ZNF740: variants seen among roughly 807,000 people sequenced by gnomAD.
ZNF740 encodes the protein zinc finger protein 740.
In ZNF740, 14 loss-of-function variants were observed where a neutral mutation model predicts 24.8. The ratio of observed to expected loss-of-function variants is 0.56; its 90% confidence interval spans 0.37 to 0.88. ZNF740 has a LOEUF of 0.88. Ranked by LOEUF, ZNF740 falls within the 40% of genes least tolerant of loss-of-function variation. ZNF740 has a pLI of 0.00. For synonymous variants in ZNF740, 69 were observed against 84.0 expected, an observed-to-expected ratio of 0.82 and a Z score of 0.98; for missense variants, 201 against 247.9, an observed-to-expected ratio of 0.81 and a Z score of 1.27.
Position 53,193,838 on chromosome 12 carries a change from G to A in ZNF740, c.*6248G>A, listed in dbSNP as rs368927212. ...AGCTCCTCTGAGAAGCCAAGGGCCC[G>A]GAGCCTCAGGAGATGGGGCTCTGGG... On this transcript the variant is annotated 3_prime_UTR_variant, in exon 7 of 7. Coordinates refer to ENST00000416904, the MANE Select transcript of ZNF740 (RefSeq NM_001004304.4). The A allele has an allele frequency of 4.8e-5, 77 of 1,614,060 alleles. 3 individuals carry two copies. The South Asian group carries it at 5.6e-4, about 12-fold the overall frequency.
chr12:53,191,399 C>G lies in ZNF740; in HGVS notation c.*3809C>G, dbSNP rs561169980. 3.0e-6 allele frequency: 2 copies of G among 668,388 alleles called. No homozygotes were observed. Among genetic ancestry groups the G allele is most frequent in the African/African-American group, 3.5e-5 (2 of 56,460 alleles). 41.4% of individuals were successfully genotyped at this position (668,388 alleles called of 1,614,324 possible). On this transcript the variant is annotated 3_prime_UTR_variant, in exon 7 of 7. Coordinates refer to ENST00000416904, the MANE Select transcript of ZNF740 (RefSeq NM_001004304.4). The stretch of plus-strand genomic sequence containing the variant: ...AAGGTTGCAGGCATGGGAAGCAGCC[C>G]TCTTGGGTGTCACTCTGAAAATGAA...
rs532199697 is a variant in ZNF740 at position 53,193,155 on chromosome 12, C to T, written c.*5565C>T. 4 of 1,611,256 alleles carry T rather than the reference C, an allele frequency of 2.5e-6. No homozygotes were observed. Among genetic ancestry groups the T allele is most frequent in the Non-Finnish European group, 3.4e-6 (4 of 1,177,946 alleles). On this transcript the variant is annotated 3_prime_UTR_variant, in exon 7 of 7. Coordinates refer to ENST00000416904, the MANE Select transcript of ZNF740 (RefSeq NM_001004304.4). ...CTCCAGGTACCTCCGCAGAGGATGC[C>T]CTCATGTCGCTCACAGCTGGCATCG... is the stretch of plus-strand genomic sequence containing the variant.
chr12:53,184,576 A>T (rs1049766853), intron 2 of ZNF740, among the ~76,000 whole-genome samples: 3 of 152,198 alleles, frequency 2.0e-5, no homozygotes, highest in Admixed American at 6.5e-5. Context: ...ATACCCACTC[A>T]CAGTTAAGGC....
Position 53,191,802 on chromosome 12 carries a change from G to A in ZNF740, c.*4212G>A. 2 of 1,605,870 alleles carry A rather than the reference G, an allele frequency of 1.2e-6. No individual in the cohort carries two copies. Among genetic ancestry groups the A allele is most frequent in the East Asian group, 2.2e-5 (1 of 44,848 alleles). ...GGGGAACCCAGTGGGAGGAATCAGG[G>A]CTGGTCTTGTGGTGGGGGAACAGCT... On this transcript the variant is annotated 3_prime_UTR_variant, in exon 7 of 7. Coordinates refer to ENST00000416904, the MANE Select transcript of ZNF740 (RefSeq NM_001004304.4).
At chr12:53,185,566 T>TC in intron 4 of ZNF740, 90 bp downstream of exon 4, 4 of 1,217,568 alleles carry the variant, frequency 3.3e-6, no homozygotes, top group Non-Finnish European at 4.7e-6. Context: ...CCTGGAGCTT[T>TC]CCCTAGATGC....
At chr12:53,184,600 C>CTT (rs1941787512) in intron 2 of ZNF740, among the ~76,000 whole-genome samples, 1 of 152,152 alleles carries the variant, frequency 6.6e-6, no homozygotes, top group African/African-American at 2.4e-5. Context: ...GAAATACCTT[C>CTT]AAAGAAATAT....
At chr12:53,183,950 G>A (rs904182079) in intron 2 of ZNF740, among the ~76,000 whole-genome samples, 2 of 152,026 alleles carry the variant, frequency 1.3e-5, no homozygotes, top group African/African-American at 4.8e-5. Context: ...CTTAAGCCAG[G>A]GAGGTCAAGA....
rs1941814214 is a variant in ZNF740 at position 53,186,000 on chromosome 12, A to G, written c.296A>G (p.Lys99Arg). ...GGTTCTTTTCAAGTAAAGATTCCCA[A>G]AAATTTTGTTTGTGAACACTGCTTT... is the stretch of plus-strand genomic sequence containing the variant. ...QNGSFQVKIP[K>R]NFVCEHCFGA... is the part of the protein sequence containing the mutation. Residue 99 changes from lysine (K) to arginine (R), a missense_variant, in exon 5 of 7, where the codon AAA (lysine) becomes AGA (arginine). By Grantham distance (26) the Lys-to-Arg change is conservative (BLOSUM62 2). Coordinates refer to ENST00000416904, the MANE Select transcript of ZNF740 (RefSeq NM_001004304.4). 1.2e-6 allele frequency: 2 copies of G among 1,613,868 alleles called. No individual in the cohort carries two copies. Among genetic ancestry groups the G allele is most frequent in the Middle Eastern group, 1.7e-4 (1 of 6,060 alleles).
chr12:53,191,963 C>T lies in ZNF740; in HGVS notation c.*4373C>T, dbSNP rs1472062944. ...TAAGCCAGGACCAGCCCCAGCCCCACTGCCACGATGCCCCCTACGCAGCCC... is the reference window on the plus strand; with the variant it reads ...TAAGCCAGGACCAGCCCCAGCCCCATTGCCACGATGCCCCCTACGCAGCCC... On this transcript the variant is annotated 3_prime_UTR_variant, in exon 7 of 7. Transcript: ENST00000416904. 1 of 1,612,262 alleles carries T rather than the reference C, an allele frequency of 6.2e-7. No homozygotes were observed. The highest frequency in any genetic ancestry group is 1.1e-5 in the South Asian group (1 of 91,078).
rs1244136531 is a variant in ZNF740, at chr12:53,187,703, G to A, written c.*113G>A. The A allele has an allele frequency of 1.2e-6, 1 of 830,330 alleles. No homozygotes were observed. Among genetic ancestry groups the A allele is most frequent in the East Asian group, 2.7e-5 (1 of 37,620 alleles). The allele number at this position is 830,330 out of a possible 1,614,324, so 51.4% of individuals were successfully genotyped here. A position where few individuals can be genotyped will look rare whatever the true frequency, so the allele number is the denominator to read the frequency against. On this transcript the variant is annotated 3_prime_UTR_variant, in exon 7 of 7. Transcript: ENST00000416904. ...ATGTGAACCTGTCCCACTCCTGGAGGAGTGGACCCAGGAGACCAGAAGAGT... is the reference window on the plus strand; with the variant it reads ...ATGTGAACCTGTCCCACTCCTGGAGAAGTGGACCCAGGAGACCAGAAGAGT...
intron 1 of ZNF740, 157 bp downstream of exon 1, chr12:53,180,994 C>A: frequency 1.2e-6 from 1 of 822,838 alleles, no homozygotes; most frequent in South Asian, 2.5e-5. Flanking sequence ...GGGGAAAGGC[C>A]GTGCGCGCAC....
chr12:53,192,866 G>A lies in ZNF740; in HGVS notation c.*5276G>A, dbSNP rs753494622. 15 of 1,614,080 alleles carry A rather than the reference G, an allele frequency of 9.3e-6. No homozygotes were observed. The highest frequency in any genetic ancestry group is 5.3e-5 in the African/African-American group (4 of 74,932). On this transcript the variant is annotated 3_prime_UTR_variant, in exon 7 of 7. Transcript: ENST00000416904. Reference sequence around the variant, plus strand: ...CTGCATTCGCATGCTCTGCCCGTGCGGTTGGCATGACAGTGACATACTCCA... The same window carrying A: ...CTGCATTCGCATGCTCTGCCCGTGCAGTTGGCATGACAGTGACATACTCCA...
Position 53,186,482 on chromosome 12 carries a change from G to A in ZNF740, c.465G>A (p.Lys155=), listed in dbSNP as rs1302944916. The A allele has an allele frequency of 1.9e-6, 3 of 1,582,762 alleles. No homozygotes were observed. Among genetic ancestry groups the A allele is most frequent in the Non-Finnish European group, 2.6e-6 (3 of 1,163,610 alleles). ...ACAAGCGTGTGCACAGTGGTGAAAA[G>A]CCTTACCAGTGTGAACGGTGTCATC... is the stretch of plus-strand genomic sequence containing the variant. ...ERHKRVHSGE[K]PYQCERCHQC... The change falls in exon 6 of 7, where the codon AAG becomes AAA. Residue 155 remains lysine (K), a synonymous_variant. Coordinates refer to ENST00000416904, the MANE Select transcript of ZNF740 (RefSeq NM_001004304.4).
intron 1 of ZNF740, chr12:53,181,376 G>C: frequency 1.0e-6 from 1 of 985,440 alleles, no homozygotes; most frequent in Non-Finnish European, 1.2e-6. Context: ...GGCCCACTGG[G>C]CACAAAAGCC....
chr12:53,185,828 GC>G, intron 4 of ZNF740, 125 bp from the exon 5 acceptor site: 1 of 1,302,872 alleles, frequency 7.7e-7, no homozygotes, highest in South Asian at 1.5e-5. Flanking sequence ...ACAGGAGATG[GC>G]AGCACCTTTA....
At position 53,187,592 on chromosome 12, in the gene ZNF740, C is replaced by T. The variant is rs3101059; in HGVS notation, c.*2C>T. 202,844 of 1,612,084 alleles carry T rather than the reference C, an allele frequency of 0.13. 13,501 individuals are homozygous for T. The highest frequency in any genetic ancestry group is 0.16 in the Admixed American group (9,616 of 59,944). On this transcript the variant is annotated 3_prime_UTR_variant, in exon 7 of 7. Transcript: ENST00000416904. ...TCCGACGGGCAGTTTTCTCTATAGG[C>T]GCAAGGGGCCCCGGGTGGTGGGAGT...
chr12:53,182,063 C>T, intron 2 of ZNF740, 71 bp downstream of exon 2: 1 of 1,568,320 alleles, frequency 6.4e-7, no homozygotes, highest in South Asian at 1.2e-5. Flanking sequence ...TGAATGCTGC[C>T]TTAGTCAACA....
rs767332188 is a variant in ZNF740, at chr12:53,181,938, C to T, written c.-46C>T. On this transcript the variant is annotated 5_prime_UTR_variant, in exon 2 of 7. Transcript: ENST00000416904. ...CGACAGTGTCTCAAGGAAAGGTGGA[C>T]CTAGGAACTCCTGAACTTTTGGGTT... 3 of 1,597,150 alleles carry T rather than the reference C, an allele frequency of 1.9e-6. No individual in the cohort carries two copies. The highest frequency in any genetic ancestry group is 2.6e-6 in the Non-Finnish European group (3 of 1,171,298).
At position 53,192,328 on chromosome 12, in the gene ZNF740, A is replaced by C. The variant is rs764099131; in HGVS notation, c.*4738A>C. Reference sequence around the variant, plus strand: ...GGGTTTGTGGCATCCCTGCCCACTTACTTTCTTGGGGTCTCACTCTGAGCA... The same window carrying C: ...GGGTTTGTGGCATCCCTGCCCACTTCCTTTCTTGGGGTCTCACTCTGAGCA... On this transcript the variant is annotated 3_prime_UTR_variant, in exon 7 of 7. Transcript: ENST00000416904. 5 of 1,613,664 alleles carry C rather than the reference A, an allele frequency of 3.1e-6. No individual in the cohort carries two copies. Among genetic ancestry groups the C allele is most frequent in the Non-Finnish European group, 3.4e-6 (4 of 1,179,924 alleles).
Sources: allele counts gnomAD v4.1 joint callset (sites outside exome capture counted in the v4.1 genomes callset), GRCh38; gene constraint gnomAD v4.1.1; transcripts MANE v1.5; gene names NCBI Gene and HGNC (gene_info 2026-07-23, HGNC 2026-07-21).